PGAP4: variants seen among roughly 807,000 people sequenced by gnomAD.
PGAP4 encodes GPI-N-acetylgalactosamine transferase PGAP4.
A neutral mutation model predicts 28.2 loss-of-function variants in PGAP4; 12 were observed. The ratio of observed to expected loss-of-function variants is 0.42; its 90% CI spans 0.27 to 0.69. The LOEUF (loss-of-function observed/expected upper bound fraction) is 0.69. PGAP4 is among the 30% of genes least tolerant of loss of function. The pLI is 0.22. For missense variants in PGAP4, 425 were observed against 513.5 expected (o/e 0.83, Z 1.67); for synonymous variants, 205 against 211.8 (o/e 0.97, Z 0.28).
chr9:101,484,895 T>C (rs1826578293), intron 1 of PGAP4, among the ~76,000 whole-genome samples: 1 of 152,134 alleles, frequency 6.6e-6, no homozygotes, highest in Admixed American at 6.5e-5. Context: ...GAGTATAATT[T>C]AGTGAAGGAG....
chr9:101,504,614 C>G lies in PGAP4; in HGVS notation c.-164-15414G>C, dbSNP rs1307143832. On this transcript the variant is annotated intron_variant, in intron 2 of 3. Transcript: ENST00000374851. ...ACCCTGATCTCTTTGGCTTTTTTGT[C>G]CCAAGAGTTTGTTTGTGCTGTCATA... is the stretch of plus-strand genomic sequence containing the variant. 2.0e-5 allele frequency among the ~76,000 whole-genome samples: 3 copies of G among 151,792 alleles called. No homozygotes were observed. In the East Asian group the frequency reaches 5.8e-4, roughly 29 times the overall value.
In PGAP4 at chr9:101,476,487, G is replaced by T; in HGVS notation, c.606C>A (p.Tyr202Ter). The change falls in exon 2 of 2, where the codon TAC (tyrosine) becomes TAA (stop). Residue 202 changes from tyrosine (Y) to a stop codon, truncating the protein, a stop_gained. Coordinates refer to ENST00000374848, the MANE Select transcript of PGAP4 (RefSeq NM_032342.3). LOFTEE classifies it high-confidence loss of function. The surrounding 1 kb of genome is among the most constrained non-coding windows in gnomAD (Gnocchi z 7.0). ...VYCLESSLQT[Y>*]NPDYVLMVED... ...CTACCATCAGGACGTAGTCTGGGTTGTAGGTCTGCAGGGATGACTCCAGGC... is the reference window on the plus strand; with the variant it reads ...CTACCATCAGGACGTAGTCTGGGTTTTAGGTCTGCAGGGATGACTCCAGGC... 6.2e-7 allele frequency: 1 copy of T among 1,614,184 alleles called. No individual in the cohort carries two copies. Among genetic ancestry groups the T allele is most frequent in the Non-Finnish European group, 8.5e-7 (1 of 1,180,038 alleles).
intron 2 of PGAP4, among the ~76,000 whole-genome samples, chr9:101,520,045 T>C (rs1272841081): frequency 6.6e-6 from 1 of 152,222 alleles, no homozygotes; most frequent in Non-Finnish European, 1.5e-5. Context: ...GCTTTATTTC[T>C]GGATTCTTTA....
chr9:101,476,087 C>T lies in PGAP4; in HGVS notation c.1006G>A (p.Ala336Thr), dbSNP rs1217414733. 6.2e-7 allele frequency: 1 copy of T among 1,614,002 alleles called. No individual in the cohort carries two copies. The highest frequency in any genetic ancestry group is 1.7e-5 in the Admixed American group (1 of 60,002). ...GCCGCAGGTGCCGGGAAGAGCATGGCTGGGGTGCAACACTGAGAGGCAGGA... is the reference window on the plus strand; with the variant it reads ...GCCGCAGGTGCCGGGAAGAGCATGGTTGGGGTGCAACACTGAGAGGCAGGA... ...VVPASQCCTP[A>T]MLFPAPAARR... The change falls in exon 2 of 2, where the codon GCC becomes ACC. Residue 336 changes from alanine (A) to threonine (T), a missense_variant. Ala to Thr is a moderately conservative substitution (Grantham distance 58). Transcript: ENST00000374848. This position sits in a 1 kb window ranked among gnomAD's most constrained non-coding sequence, Gnocchi z 7.0.
At chr9:101,511,723 GC>G (rs1826900455) in intron 2 of PGAP4, among the ~76,000 whole-genome samples, 1 of 152,100 alleles carries the variant, frequency 6.6e-6, no homozygotes, top group South Asian at 2.1e-4. Flanking sequence ...AACCTCTGAA[GC>G]CAGGAAAGTC....
intron 1 of PGAP4, among the ~76,000 whole-genome samples, chr9:101,484,737 T>G (rs1431030511): frequency 6.6e-6 from 1 of 152,200 alleles, no homozygotes. Flanking sequence ...TTTTGAGAGA[T>G]AAATGTGTCT....
chr9:101,514,717 G>T (rs1826928792), intron 2 of PGAP4, among the ~76,000 whole-genome samples: 1 of 152,098 alleles, frequency 6.6e-6, no homozygotes, highest in African/African-American at 2.4e-5. Flanking sequence ...AAGAAAAGAA[G>T]GAGGAAACTA....
chr9:101,481,213 T>C (rs988193830), intron 1 of PGAP4: 1 of 152,072 alleles, frequency 6.6e-6, no homozygotes, highest in African/African-American at 2.4e-5. Flanking sequence ...CAAAAAAAGA[T>C]AAAAGATAAA....
intron 2 of PGAP4, among the ~76,000 whole-genome samples, chr9:101,495,562 A>T (rs1260244718): frequency 6.8e-6 from 1 of 146,618 alleles, no homozygotes; most frequent in Non-Finnish European, 1.5e-5. Flanking sequence ...GAACCTAGGG[A>T]AACCTACCAA....
rs566330751 is a variant in PGAP4, at chr9:101,523,538, C to T, written c.-165+7810G>A. On this transcript the variant is annotated intron_variant, in intron 2 of 3. Coordinates refer to the PGAP4 transcript ENST00000374851. ...CATTTCACATTTCTAAAAATGTGTCCAAAGTTTCCTGAATTTTTCATTGTT... is the reference window on the plus strand; with the variant it reads ...CATTTCACATTTCTAAAAATGTGTCTAAAGTTTCCTGAATTTTTCATTGTT... Among the ~76,000 whole-genome samples, 19 of 138,872 alleles carry T rather than the reference C, an allele frequency of 1.4e-4. No homozygotes were observed. In the South Asian group the frequency reaches 4.6e-3, roughly 33 times the overall value. 91.1% of individuals were successfully genotyped at this position (138,872 alleles called of 152,430 possible).
chr9:101,532,154 C>T (rs907140994), intron 1 of PGAP4, among the ~76,000 whole-genome samples: 3 of 152,024 alleles, frequency 2.0e-5, no homozygotes, highest in African/African-American at 7.3e-5. Flanking sequence ...CCTGTGATCC[C>T]ACCCACTTGG....
chr9:101,510,057 A>G (rs1826882446), intron 2 of PGAP4, among the ~76,000 whole-genome samples: 1 of 152,206 alleles, frequency 6.6e-6, no homozygotes, highest in Admixed American at 6.5e-5. Context: ...CCTTGTTGTC[A>G]ACATCAGTAG....
intron 2 of PGAP4, among the ~76,000 whole-genome samples, chr9:101,509,856 T>G (rs1333284023): frequency 4.7e-5 from 7 of 147,472 alleles, no homozygotes; most frequent in African/African-American, 1.7e-4. Flanking sequence ...CAGAAAGCCG[T>G]CCAGTCATGG....
chr9:101,476,885 A>C lies in PGAP4; in HGVS notation c.208T>G (p.Leu70Val). ...TGGAGGGCAGCCTCACCCTCTTTCAAGCTTTGCTGCAGGAACTCTTGGCTC... is the reference window on the plus strand; with the variant it reads ...TGGAGGGCAGCCTCACCCTCTTTCACGCTTTGCTGCAGGAACTCTTGGCTC... ...QMSQEFLQQS[L>V]KEGEAALHYF... The change falls in exon 2 of 2, where the codon TTG (leucine) becomes GTG (valine). Residue 70 changes from leucine (L) to valine (V), a missense_variant. Coordinates refer to ENST00000374848, the MANE Select transcript of PGAP4 (RefSeq NM_032342.3). The surrounding 1 kb of genome is among the most constrained non-coding windows in gnomAD (Gnocchi z 7.0). 1 of 1,613,118 alleles carries C rather than the reference A, an allele frequency of 6.2e-7. No homozygotes were observed. The highest frequency in any genetic ancestry group is 1.1e-5 in the South Asian group (1 of 90,906).
At chr9:101,531,231 CACACACACAG>C (rs1442635734) in intron 2 of PGAP4, 6 of 152,708 alleles carry the variant, frequency 3.9e-5, no homozygotes, top group Non-Finnish European at 5.8e-5. Flanking sequence ...CACACACACA[CACACACACAG>C]AGTTGATTTT....
chr9:101,513,563 A>G (rs766997200), intron 2 of PGAP4, among the ~76,000 whole-genome samples: 2 of 152,132 alleles, frequency 1.3e-5, no homozygotes, highest in Admixed American at 6.6e-5. Flanking sequence ...ATGCCACTCT[A>G]TTGATTGAGG....
intron 1 of PGAP4, among the ~76,000 whole-genome samples, chr9:101,480,407 TA>T (rs1702110658): frequency 6.6e-6 from 1 of 152,090 alleles, no homozygotes; most frequent in African/African-American, 2.4e-5. Flanking sequence ...GGTTTTGTGG[TA>T]GAGAGAAAAA....
chr9:101,486,757 C>T lies in PGAP4; in HGVS notation c.-78+192G>A, dbSNP rs895370474. On this transcript the variant is annotated intron_variant, in intron 1 of 1. Coordinates refer to ENST00000374848, the MANE Select transcript of PGAP4 (RefSeq NM_032342.3). This position sits in a 1 kb window ranked among gnomAD's most constrained non-coding sequence, Gnocchi z 4.7. ...GAAGCGGTCGGAGCTGCGGGCAGGG[C>T]CGCTAGGCAACCCGCCTGCCCGAGG... Among the ~76,000 whole-genome samples the T allele has an allele frequency of 2.5e-4, 38 of 152,292 alleles. No individual in the cohort carries two copies. The highest frequency in any genetic ancestry group is 2.3e-3 in the Admixed American group (35 of 15,306).
Position 101,475,738 on chromosome 9 carries a change from T to C in PGAP4, c.*143A>G, listed in dbSNP as rs1463767052. On this transcript the variant is annotated 3_prime_UTR_variant, in exon 2 of 2. Transcript: ENST00000374848. ...TACCAAAGCCAAGGCTCTTAACATA[T>C]TGAGGTTCCTCAGCTGCCCCAGTGC... 6.7e-6 allele frequency: 6 copies of C among 899,252 alleles called. No individual in the cohort carries two copies. The highest frequency in any genetic ancestry group is 2.5e-5 in the East Asian group (1 of 40,190). 55.7% of individuals were successfully genotyped at this position (899,252 alleles called of 1,614,324 possible). A position where few individuals can be genotyped will look rare whatever the true frequency, so the allele number is the denominator to read the frequency against.
Sources: gnomAD v4.1 joint callset for allele counts (sites outside exome capture counted in the v4.1 genomes callset) on GRCh38, gnomAD v4.1.1 for gene constraint, Gnocchi (gnomAD v3.1) non-coding constraint, MANE v1.5 for transcripts, NCBI Gene and HGNC (gene_info 2026-07-23, HGNC 2026-07-21) for gene names.